Variants in EPHA3 observed in about 807,000 individuals in gnomAD.
EPHA3 encodes EPH receptor A3.
In EPHA3, 42 loss-of-function variants were observed where a neutral mutation model predicts 107.1. That is an observed-to-expected ratio of 0.39 (90% CI 0.31 to 0.51). EPHA3 has a LOEUF of 0.51. Among genes scored for constraint, EPHA3 ranks in the 20% least tolerant of loss-of-function variants. EPHA3 has a pLI of 0.78. For missense variants in EPHA3, 1,183 were observed against 1,211.2 expected (o/e 0.98, Z 0.35); for synonymous variants, 461 against 424.8 (o/e 1.09, Z -1.05).
intron 3 of EPHA3, among the ~76,000 whole-genome samples, chr3:89,322,130 G>C (rs578206397): frequency 6.6e-6 from 1 of 151,598 alleles, no homozygotes; most frequent in East Asian, 2.0e-4. Flanking sequence ...ACAGAGGGGG[G>C]TTGGAGAGAG....
At chr3:89,400,638 T>C (rs1479350480) in intron 7 of EPHA3, among the ~76,000 whole-genome samples, 1 of 148,138 alleles carries the variant, frequency 6.8e-6, no homozygotes, top group Admixed American at 6.7e-5. Flanking sequence ...TGTGTGAGCG[T>C]GTGTGTGTGT....
intron 2 of EPHA3, among the ~76,000 whole-genome samples, chr3:89,152,314 A>C (rs1704706477): frequency 6.6e-6 from 1 of 152,042 alleles, no homozygotes; most frequent in African/African-American, 2.4e-5. Context: ...TGTTCTGGTA[A>C]ACCTAAAACG....
intron 2 of EPHA3, among the ~76,000 whole-genome samples, chr3:89,161,275 A>T (rs746142629): frequency 3.3e-5 from 5 of 152,216 alleles, no homozygotes; most frequent in Non-Finnish European, 7.4e-5. Flanking sequence ...CAAAAATTAT[A>T]GAAGAAATAT....
intron 1 of EPHA3, among the ~76,000 whole-genome samples, chr3:89,118,368 T>C (rs1455520343): frequency 6.6e-6 from 1 of 151,962 alleles, no homozygotes; most frequent in Non-Finnish European, 1.5e-5. Context: ...ATTTTTCTTA[T>C]CTTTCAAAGT....
At position 89,318,102 on chromosome 3, in the gene EPHA3, C is replaced by A. The variant is rs116861235; in HGVS notation, c.815-22814C>A. 1.1e-3 allele frequency among the ~76,000 whole-genome samples: 169 copies of A among 151,794 alleles called. 4 individuals carry two copies. The East Asian group carries it at 0.032, about 29-fold the overall frequency. ...CCAGACATCAGCATACTTCCATGAC[C>A]CAGTCAGATTCAATTTGGAAAAACC... On this transcript the variant is annotated intron_variant, in intron 3 of 16. Transcript: ENST00000336596.
At chr3:89,259,898 A>G (rs141670662) in intron 3 of EPHA3, among the ~76,000 whole-genome samples, 1,769 of 152,256 alleles carry the variant, frequency 0.012, 28 homozygotes, top group African/African-American at 0.038. Flanking sequence ...AGATGCCACT[A>G]TAAGTGAGAT....
intron 3 of EPHA3, among the ~76,000 whole-genome samples, chr3:89,254,562 G>A (rs1414190298): frequency 2.0e-5 from 3 of 152,062 alleles, no homozygotes; most frequent in Admixed American, 6.6e-5. Context: ...CCACTCTGTC[G>A]AATTGTACTC....
intron 15 of EPHA3, 91 bp from the exon 16 acceptor site, chr3:89,472,373 G>A (rs1710419935): frequency 4.5e-6 from 6 of 1,342,140 alleles, no homozygotes; most frequent in Non-Finnish European, 6.2e-6. Flanking sequence ...ATGAAGTCTG[G>A]AAGTTCCTGC....
At chr3:89,394,018 G>C (rs74444706) in intron 5 of EPHA3, among the ~76,000 whole-genome samples, 5,724 of 152,226 alleles carry the variant, frequency 0.038, 131 homozygotes, top group Non-Finnish European at 0.053. Context: ...ATGTTAATTT[G>C]TATGAAAAGA....
Position 89,128,166 on chromosome 3 carries a change from G to A in EPHA3, c.153+893G>A, listed in dbSNP as rs138584422. 7.0e-3 allele frequency among the ~76,000 whole-genome samples: 1,070 copies of A among 152,168 alleles called. 16 individuals carry two copies. Among genetic ancestry groups the A allele is most frequent in the African/African-American group, 0.024 (1,008 of 41,534 alleles). On this transcript the variant is annotated intron_variant, in intron 2 of 16. Coordinates refer to ENST00000336596, the MANE Select transcript of EPHA3 (RefSeq NM_005233.6). The stretch of plus-strand genomic sequence containing the variant: ...GTAATTACTTCCACTTCGTGTTGGC[G>A]TTCAGTCTTTAGATTTTTGTGCCTA...
chr3:89,227,617 A>T (rs1198943637), intron 3 of EPHA3, among the ~76,000 whole-genome samples: 1 of 152,038 alleles, frequency 6.6e-6, no homozygotes, highest in African/African-American at 2.4e-5. Context: ...ATATCCAGGA[A>T]CAACTAGTGA....
rs576758512 is a variant in EPHA3, at chr3:89,356,875, C to A, written c.1306+14785C>A. Among the ~76,000 whole-genome samples the A allele has an allele frequency of 4.7e-5, 7 of 150,084 alleles. 2 individuals carry two copies. The highest frequency in any genetic ancestry group is 3.4e-3 in the Middle Eastern group (1 of 290). On this transcript the variant is annotated intron_variant, in intron 5 of 16. Coordinates refer to ENST00000336596, the MANE Select transcript of EPHA3 (RefSeq NM_005233.6). Reference sequence around the variant, plus strand: ...CAACCAACACTTTGGGCAGCCGAGGCGGGCAGATCAGGAAGTCAGGAGATC... The same window carrying A: ...CAACCAACACTTTGGGCAGCCGAGGAGGGCAGATCAGGAAGTCAGGAGATC...
At chr3:89,218,150 A>G (rs1704262623) in intron 3 of EPHA3, among the ~76,000 whole-genome samples, 1 of 151,880 alleles carries the variant, frequency 6.6e-6, no homozygotes, top group Non-Finnish European at 1.5e-5. Flanking sequence ...TATTATTATT[A>G]TTATTATGCT....
At chr3:89,241,974 A>C (rs1360756299) in intron 3 of EPHA3, among the ~76,000 whole-genome samples, 3 of 152,184 alleles carry the variant, frequency 2.0e-5, no homozygotes, top group Non-Finnish European at 2.9e-5. Flanking sequence ...AAGGTAAATA[A>C]AATTATACTT....
intron 3 of EPHA3, among the ~76,000 whole-genome samples, chr3:89,255,785 C>T (rs766579555): frequency 6.6e-6 from 1 of 152,030 alleles, no homozygotes; most frequent in African/African-American, 2.4e-5. Flanking sequence ...CCTGTAGTCC[C>T]AGCTACTTAG....
intron 2 of EPHA3, among the ~76,000 whole-genome samples, chr3:89,170,993 G>C (rs1360175027): frequency 6.6e-6 from 1 of 151,482 alleles, no homozygotes; most frequent in Non-Finnish European, 1.5e-5. Context: ...CTGGATAAGG[G>C]AGGCAAAATT....
At chr3:89,256,500 G>T (rs1474908823) in intron 3 of EPHA3, among the ~76,000 whole-genome samples, 1 of 152,042 alleles carries the variant, frequency 6.6e-6, no homozygotes, top group African/African-American at 2.4e-5. Context: ...GGACTCAGAG[G>T]TTGCATTGAG....
chr3:89,371,174 TTTC>T lies in EPHA3; in HGVS notation c.1307-24662_1307-24660del, dbSNP rs1470332146. 4.5e-3 allele frequency among the ~76,000 whole-genome samples: 681 copies of T among 151,866 alleles called. 3 individuals carry two copies. The highest frequency in any genetic ancestry group is 0.016 in the African/African-American group (645 of 41,508). On this transcript the variant is annotated intron_variant, in intron 5 of 16. Coordinates refer to ENST00000336596, the MANE Select transcript of EPHA3 (RefSeq NM_005233.6). ...GTTATTCATATATTTGTTTGTTTGT[TTTC>T]ATTCCAGTGATTATTTTTATTTAAA...
chr3:89,426,372 C>T (rs1436026286), intron 11 of EPHA3, among the ~76,000 whole-genome samples: 1 of 151,826 alleles, frequency 6.6e-6, no homozygotes, highest in Non-Finnish European at 1.5e-5. Context: ...AACCCTAAGT[C>T]AAGATACTGT....
Sources: allele counts gnomAD v4.1 joint callset (sites outside exome capture counted in the v4.1 genomes callset), GRCh38; gene constraint gnomAD v4.1.1; transcripts MANE v1.5; gene names NCBI Gene and HGNC (gene_info 2026-07-23, HGNC 2026-07-21).